The following MAPKAP1 variants were observed in gnomAD, a reference collection of about 807,000 sequenced individuals.
MAPKAP1 encodes MAPK associated protein 1.
Under a neutral mutation model 65.7 loss-of-function variants are expected in MAPKAP1, and 20 were observed. The observed-to-expected ratio is 0.30, with a 90% CI of 0.21 to 0.44. The LOEUF (loss-of-function observed/expected upper bound fraction) is 0.44. Ranked by LOEUF, MAPKAP1 falls within the 20% of genes least tolerant of loss-of-function variation. The pLI is 1.00. For synonymous variants in MAPKAP1, 222 were observed against 244.3 expected (o/e 0.91, Z 0.85); for missense variants, 423 against 648.0 (o/e 0.65, Z 3.77).
At chr9:125,496,325 A>C (rs183698137) in intron 8 of MAPKAP1, among the ~76,000 whole-genome samples, 1 of 152,260 alleles carries the variant, frequency 6.6e-6, no homozygotes, top group African/African-American at 2.4e-5. Context: ...CTCACCCTAC[A>C]GAAAATTCCT....
chr9:125,547,777 A>G (rs1438866983), intron 6 of MAPKAP1, among the ~76,000 whole-genome samples: 3 of 152,228 alleles, frequency 2.0e-5, no homozygotes, highest in Non-Finnish European at 2.9e-5. Context: ...CTGTGGCCCA[A>G]GCACCAAAAT....
At position 125,629,130 on chromosome 9, in the gene MAPKAP1, T is replaced by C. The variant is rs1448712206; in HGVS notation, c.498+28521A>G. On this transcript the variant is annotated intron_variant, in intron 4 of 11. Coordinates refer to ENST00000265960, the MANE Select transcript of MAPKAP1 (RefSeq NM_001006617.3). ...AGTGTTGCAAAGGATGTGGAAAAAG[T>C]GGAAGCCTGTGCACTGTTGGTAGAA... 2.6e-5 allele frequency among the ~76,000 whole-genome samples: 4 copies of C among 151,512 alleles called. No individual in the cohort carries two copies. In the South Asian group the frequency reaches 6.2e-4, roughly 24 times the overall value.
At chr9:125,643,916 C>T (rs1011350120) in intron 4 of MAPKAP1, among the ~76,000 whole-genome samples, 1 of 152,140 alleles carries the variant, frequency 6.6e-6, no homozygotes. Context: ...TTCATTTTTG[C>T]TTCATCTTAA....
rs926749589 is a variant in MAPKAP1 at position 125,565,708 on chromosome 9, T to C, written c.672-5899A>G. 20 of 358,476 alleles carry C rather than the reference T, an allele frequency of 5.6e-5. No individual in the cohort carries two copies. In the Middle Eastern group the frequency reaches 2.7e-3, roughly 49 times the overall value. 22.2% of individuals were successfully genotyped at this position (358,476 alleles called of 1,614,324 possible). ...GAGGTCCAAAAAAACCTCAGGAAGT[T>C]AGATAACTTCCTGATCCTCAGTTTC... On this transcript the variant is annotated intron_variant, in intron 5 of 11. Transcript: ENST00000265960.
chr9:125,585,547 T>C lies in MAPKAP1; in HGVS notation c.671+8A>G, dbSNP rs201323137. The C allele has an allele frequency of 1.2e-5, 19 of 1,611,966 alleles. No individual in the cohort carries two copies. The highest frequency in any genetic ancestry group is 2.2e-5 in the East Asian group (1 of 44,794). On this transcript the variant is annotated splice_region_variant and intron_variant, in intron 5 of 11. Coordinates refer to ENST00000265960, the MANE Select transcript of MAPKAP1 (RefSeq NM_001006617.3). ...GAAACTAGAGCAGCCAAAAAGAGAA[T>C]GGATTACTTGAGCTTCGGCTCCCGT...
intron 5 of MAPKAP1, among the ~76,000 whole-genome samples, chr9:125,578,032 C>A (rs1434001225): frequency 6.6e-6 from 1 of 151,844 alleles, no homozygotes; most frequent in Non-Finnish European, 1.5e-5. Context: ...GGATGGTTGC[C>A]GTGTCTGTGT....
At chr9:125,456,535 G>C (rs1010333557) in intron 10 of MAPKAP1, among the ~76,000 whole-genome samples, 8 of 152,130 alleles carry the variant, frequency 5.3e-5, no homozygotes, top group Non-Finnish European at 1.5e-5. Flanking sequence ...TGGACCTAGC[G>C]ACTTGCTTCT....
chr9:125,545,327 TG>T (rs1358596201), intron 6 of MAPKAP1, among the ~76,000 whole-genome samples: 1 of 152,202 alleles, frequency 6.6e-6, no homozygotes, highest in Non-Finnish European at 1.5e-5. Flanking sequence ...TTTATAAACT[TG>T]GGGGTATTTG....
intron 9 of MAPKAP1, among the ~76,000 whole-genome samples, chr9:125,474,884 T>C (rs1589221794): frequency 6.6e-6 from 1 of 152,160 alleles, no homozygotes; most frequent in Non-Finnish European, 1.5e-5. Context: ...ACAATCCTCT[T>C]GTCTTCAGGT....
chr9:125,642,587 T>C (rs1455396589), intron 4 of MAPKAP1, among the ~76,000 whole-genome samples: 1 of 152,142 alleles, frequency 6.6e-6, no homozygotes, highest in Non-Finnish European at 1.5e-5. Context: ...GGTGTAAAAA[T>C]AGGTGGTAAC....
At chr9:125,686,802 A>C (rs1379586665) in intron 1 of MAPKAP1, among the ~76,000 whole-genome samples, 1 of 151,862 alleles carries the variant, frequency 6.6e-6, no homozygotes, top group Non-Finnish European at 1.5e-5. Flanking sequence ...TTGAACAGGC[A>C]TTACTGCCGT....
chr9:125,629,985 C>T (rs935026068), intron 4 of MAPKAP1, among the ~76,000 whole-genome samples: 51 of 152,230 alleles, frequency 3.4e-4, no homozygotes, highest in African/African-American at 1.2e-3. Flanking sequence ...CTTCAGCTCA[C>T]AAACTATGTG....
chr9:125,472,433 A>AT (rs898631382), intron 9 of MAPKAP1, among the ~76,000 whole-genome samples: 2 of 152,222 alleles, frequency 1.3e-5, no homozygotes, highest in African/African-American at 4.8e-5. Flanking sequence ...GCACACATCT[A>AT]TTTTTTGTTC....
chr9:125,591,602 T>G (rs1302777150), intron 4 of MAPKAP1, among the ~76,000 whole-genome samples: 1 of 152,242 alleles, frequency 6.6e-6, no homozygotes, highest in Non-Finnish European at 1.5e-5. Flanking sequence ...TTTAATCTTC[T>G]AATTCCATCT....
intron 4 of MAPKAP1, among the ~76,000 whole-genome samples, chr9:125,642,622 T>C (rs1833611255): frequency 6.6e-6 from 1 of 152,198 alleles, no homozygotes; most frequent in Non-Finnish European, 1.5e-5. Context: ...TCTTCACCTT[T>C]TGTCAGGAAT....
chr9:125,446,036 CCTT>C (rs774734083), intron 10 of MAPKAP1, among the ~76,000 whole-genome samples: 4 of 152,160 alleles, frequency 2.6e-5, no homozygotes, highest in Non-Finnish European at 4.4e-5. Flanking sequence ...TTCTATTAGT[CCTT>C]CTCATCCGTT....
intron 1 of MAPKAP1, among the ~76,000 whole-genome samples, chr9:125,674,922 C>A (rs1353743156): frequency 6.6e-6 from 1 of 151,852 alleles, no homozygotes; most frequent in East Asian, 2.0e-4. Context: ...GATATCTGGT[C>A]CCTGAAGTAT....
chr9:125,468,953 T>G (rs1853791681), intron 9 of MAPKAP1, among the ~76,000 whole-genome samples: 1 of 152,188 alleles, frequency 6.6e-6, no homozygotes, highest in Admixed American at 6.5e-5. Flanking sequence ...AGTGTGGAAA[T>G]GCACAGCAAC....
rs1300311481 is a variant in MAPKAP1 at position 125,580,453 on chromosome 9, G to C, written c.671+5102C>G. Among the ~76,000 whole-genome samples the C allele has an allele frequency of 4.7e-5, 7 of 149,458 alleles. No homozygotes were observed. In the South Asian group the frequency reaches 1.3e-3, roughly 27 times the overall value. ...TCACAAGGACAGAAATCCAAACACCGCAAGTTCTCACTTATAGGTGGGAAC... is the reference window on the plus strand; with the variant it reads ...TCACAAGGACAGAAATCCAAACACCCCAAGTTCTCACTTATAGGTGGGAAC... On this transcript the variant is annotated intron_variant, in intron 5 of 11. Coordinates refer to ENST00000265960, the MANE Select transcript of MAPKAP1 (RefSeq NM_001006617.3).
Sources: gnomAD v4.1 joint callset for allele counts (sites outside exome capture counted in the v4.1 genomes callset) on GRCh38, gnomAD v4.1.1 for gene constraint, MANE v1.5 for transcripts, NCBI Gene and HGNC (gene_info 2026-07-23, HGNC 2026-07-21) for gene names.